STK32A: variants seen among roughly 807,000 people sequenced by gnomAD.
STK32A encodes serine/threonine kinase 32A, also known as serine/threonine-protein kinase 32A.
STK32A carries 41 observed loss-of-function variants against 53.2 expected under a neutral mutation model. The observed-to-expected ratio is 0.77, with a 90% confidence interval of 0.60 to 1.00. The LOEUF (loss-of-function observed/expected upper bound fraction) is 1.00. Among genes scored for constraint, STK32A ranks in the 50% least tolerant of loss-of-function variants. The pLI, the probability that STK32A is intolerant of heterozygous loss-of-function variation, is 0.00. For synonymous variants in STK32A, 166 were observed against 162.8 expected (o/e 1.02, Z -0.15); for missense variants, 458 against 485.8 (o/e 0.94, Z 0.54).
chr5:147,290,190 A>G (rs1445744472), intron 4 of STK32A, among the ~76,000 whole-genome samples: 1 of 152,148 alleles, frequency 6.6e-6, no homozygotes, highest in Non-Finnish European at 1.5e-5. Flanking sequence ...TGTGAGAAGT[A>G]TATAAAGAGA....
chr5:147,300,031 C>T (rs1753055790), intron 4 of STK32A, among the ~76,000 whole-genome samples: 1 of 152,066 alleles, frequency 6.6e-6, no homozygotes, highest in African/African-American at 2.4e-5. Context: ...GAAGCAGCCT[C>T]CATCATATGT....
chr5:147,399,021 CT>C, the STK32A span: 1 of 1,580,796 alleles, frequency 6.3e-7, no homozygotes, highest in African/African-American at 1.3e-5. Context: ...CACATTTCTC[CT>C]GACCAAGTTC....
chr5:147,371,526 GC>G (rs1362626691), intron 9 of STK32A, among the ~76,000 whole-genome samples: 1 of 152,068 alleles, frequency 6.6e-6, no homozygotes, highest in East Asian at 1.9e-4. Flanking sequence ...CTGGAACAGT[GC>G]CTCCAATCCT....
rs566940425 is a variant in STK32A, at chr5:147,352,351, G to T, written c.562+1197G>T. 2.0e-4 allele frequency among the ~76,000 whole-genome samples: 31 copies of T among 152,268 alleles called. 1 individual carries two copies. The highest frequency in any genetic ancestry group is 1.9e-3 in the South Asian group (9 of 4,822). On this transcript the variant is annotated intron_variant, in intron 7 of 12. Transcript: ENST00000397936. ...CTTGACAATTCAGCATTTACTAAGG[G>T]GTGACCAAAAAGAGAGTGTTAGATG...
downstream of STK32A, among the ~76,000 whole-genome samples, chr5:147,388,630 G>A (rs938770104): frequency 1.3e-5 from 2 of 152,100 alleles, no homozygotes; most frequent in Non-Finnish European, 2.9e-5. Context: ...TCCTGCTCAT[G>A]GTCGGGGTCT....
intron 4 of STK32A, among the ~76,000 whole-genome samples, chr5:147,317,323 C>CTTTTTTTTTTTTTTTTTTTTTT (rs3064294): frequency 9.8e-5 from 8 of 81,310 alleles, no homozygotes; most frequent in South Asian, 5.3e-4. Flanking sequence ...CTTTTTCTTT[C>CTTTTTTTTTTTTTTTTTTTTTT]TTTTTTTTTT....
intron 4 of STK32A, among the ~76,000 whole-genome samples, chr5:147,314,429 T>C (rs1319962678): frequency 2.1e-5 from 3 of 141,290 alleles, no homozygotes; most frequent in Non-Finnish European, 4.5e-5. Context: ...ACCTGGGAGG[T>C]AGAGGTTGCA....
At chr5:147,342,030 A>G (rs1008388576) in intron 5 of STK32A, among the ~76,000 whole-genome samples, 3 of 152,108 alleles carry the variant, frequency 2.0e-5, no homozygotes, top group African/African-American at 4.8e-5. Context: ...ATCGCATTGT[A>G]CTTTATAACA....
chr5:147,399,511 T>C, the STK32A span, among the ~76,000 whole-genome samples: 1 of 152,206 alleles, frequency 6.6e-6, no homozygotes, highest in African/African-American at 2.4e-5. Flanking sequence ...TATATGTTCT[T>C]ACATTTACTT....
intron 5 of STK32A, among the ~76,000 whole-genome samples, chr5:147,329,064 A>G (rs554033861): frequency 1.3e-5 from 2 of 152,218 alleles, no homozygotes; most frequent in Admixed American, 1.3e-4. Flanking sequence ...TAATTTGTGC[A>G]AGTAATTACA....
chr5:147,312,868 T>C (rs1250453929), intron 4 of STK32A, among the ~76,000 whole-genome samples: 1 of 152,294 alleles, frequency 6.6e-6, no homozygotes, highest in East Asian at 1.9e-4. Context: ...GACAAATCTT[T>C]GTTTTAGCAA....
intron 6 of STK32A, among the ~76,000 whole-genome samples, chr5:147,346,724 T>C (rs770501420): frequency 2.6e-5 from 4 of 152,188 alleles, no homozygotes; most frequent in Non-Finnish European, 5.9e-5. Context: ...TCCAATTCTA[T>C]CAATACCATA....
chr5:147,370,535 A>T, intron 8 of STK32A, 119 bp from the exon 9 acceptor site: 1 of 566,658 alleles, frequency 1.8e-6, no homozygotes, highest in Non-Finnish European at 3.1e-6. Context: ...TCAGCTGGAC[A>T]GGGTTAGAAA....
At chr5:147,379,456 A>T (rs901250813) in intron 11 of STK32A, among the ~76,000 whole-genome samples, 7 of 152,088 alleles carry the variant, frequency 4.6e-5, no homozygotes, top group African/African-American at 1.7e-4. Context: ...TACCAAGTTC[A>T]TAGGCTTGTT....
chr5:147,390,115 A>G (rs1175569375), downstream of STK32A, among the ~76,000 whole-genome samples: 1 of 152,214 alleles, frequency 6.6e-6, no homozygotes, highest in Non-Finnish European at 1.5e-5. Context: ...TTACAACTGG[A>G]TTCAGCAGTG....
intron 8 of STK32A, among the ~76,000 whole-genome samples, chr5:147,364,529 G>A (rs1448615050): frequency 6.6e-6 from 1 of 152,106 alleles, no homozygotes; most frequent in Non-Finnish European, 1.5e-5. Flanking sequence ...CAAAATTTTA[G>A]TCTGCAATAT....
At chr5:147,355,181 C>A (rs1756160097) in intron 7 of STK32A, among the ~76,000 whole-genome samples, 1 of 152,140 alleles carries the variant, frequency 6.6e-6, no homozygotes, top group African/African-American at 2.4e-5. Flanking sequence ...AGATGCTGAG[C>A]ATATTTTAAA....
intron 4 of STK32A, among the ~76,000 whole-genome samples, chr5:147,316,081 A>G (rs899832474): frequency 2.6e-5 from 4 of 152,206 alleles, no homozygotes; most frequent in African/African-American, 9.6e-5. Flanking sequence ...AATATCTTAA[A>G]GTGTTTTCAG....
At chr5:147,362,471 A>T (rs1180383766) in intron 8 of STK32A, among the ~76,000 whole-genome samples, 1 of 152,170 alleles carries the variant, frequency 6.6e-6, no homozygotes, top group Non-Finnish European at 1.5e-5. Flanking sequence ...CCCATAAACT[A>T]ACCTAACCCT....
Sources: gnomAD v4.1 joint callset for allele counts (sites outside exome capture counted in the v4.1 genomes callset) on GRCh38, gnomAD v4.1.1 for gene constraint, MANE v1.5 for transcripts, NCBI Gene and HGNC (gene_info 2026-07-23, HGNC 2026-07-21) for gene names.